The following MTUS2 variants were observed in gnomAD, a reference collection of about 807,000 sequenced individuals.
The protein encoded by MTUS2 is microtubule-associated tumor suppressor candidate 2.
A neutral mutation model predicts 114.1 loss-of-function variants in MTUS2; 40 were observed. The ratio of observed to expected loss-of-function variants is 0.35; its 90% CI spans 0.27 to 0.46. The LOEUF is 0.46. Among genes scored for constraint, MTUS2 ranks in the 20% least tolerant of loss-of-function variants. MTUS2 has a pLI of 1.00. For missense variants in MTUS2, 1,679 were observed against 1,705.4 expected (o/e 0.98, Z 0.27); for synonymous variants, 688 against 672.0 (o/e 1.02, Z -0.37).
chr13:29,014,360 A>C (rs1418393726), intron 2 of MTUS2, among the ~76,000 whole-genome samples: 1 of 152,236 alleles, frequency 6.6e-6, no homozygotes, highest in Non-Finnish European at 1.5e-5. Context: ...TCTTAGCAAG[A>C]CATGACCCAG....
intron 2 of MTUS2, among the ~76,000 whole-genome samples, chr13:28,879,267 G>T (rs976645200): frequency 6.6e-6 from 1 of 152,090 alleles, no homozygotes; most frequent in Non-Finnish European, 1.5e-5. Flanking sequence ...TCTGTAGGTT[G>T]TCTGTTCACT....
chr13:28,892,902 G>T (rs1174730260), intron 2 of MTUS2, among the ~76,000 whole-genome samples: 1 of 152,174 alleles, frequency 6.6e-6, no homozygotes, highest in Non-Finnish European at 1.5e-5. Flanking sequence ...TTCCAATGCA[G>T]AGAAGACCAA....
chr13:28,832,543 AAAAG>A (rs1198601084), intron 1 of MTUS2, among the ~76,000 whole-genome samples: 26 of 151,576 alleles, frequency 1.7e-4, no homozygotes, highest in Admixed American at 6.6e-5. Flanking sequence ...CTGTATGAAC[AAAAG>A]AAAGATCTCA....
At chr13:28,906,508 A>T (rs1355334668) in intron 2 of MTUS2, among the ~76,000 whole-genome samples, 1 of 151,402 alleles carries the variant, frequency 6.6e-6, no homozygotes, top group African/African-American at 2.4e-5. Flanking sequence ...TCATTTCGTT[A>T]TGTACCCAGT....
intron 2 of MTUS2, among the ~76,000 whole-genome samples, chr13:28,861,359 C>T (rs1025526247): frequency 6.6e-6 from 1 of 151,788 alleles, no homozygotes; most frequent in Non-Finnish European, 1.5e-5. Flanking sequence ...CTGTGGGGCC[C>T]GACAGGCCTG....
intron 5 of MTUS2, among the ~76,000 whole-genome samples, chr13:29,279,479 ATGT>A (rs1328693855): frequency 6.6e-6 from 1 of 152,192 alleles, no homozygotes; most frequent in Non-Finnish European, 1.5e-5. Flanking sequence ...CAATGGTTTA[ATGT>A]TGTCAGCATT....
At chr13:28,975,477 C>T (rs7325369) in intron 2 of MTUS2, among the ~76,000 whole-genome samples, 683 of 5,722 alleles carry the variant, frequency 0.12, 4 homozygotes, top group African/African-American at 0.19. Context: ...GCGGCAGCAT[C>T]GCCCTCCCCT....
intron 2 of MTUS2, among the ~76,000 whole-genome samples, chr13:28,859,862 TC>T (rs1416684740): frequency 6.6e-6 from 1 of 152,128 alleles, no homozygotes; most frequent in African/African-American, 2.4e-5. Flanking sequence ...TGTAGCATCT[TC>T]CCCTGAGGCC....
At chr13:29,268,675 A>G (rs1175858333) in intron 5 of MTUS2, among the ~76,000 whole-genome samples, 6 of 151,686 alleles carry the variant, frequency 4.0e-5, no homozygotes, top group Non-Finnish European at 8.8e-5. Flanking sequence ...GTTTTTTTTC[A>G]TGGCATTTTG....
At position 28,919,505 on chromosome 13, in the gene MTUS2, T is replaced by A. The variant is rs578044967; in HGVS notation, c.-243+79655T>A. Among the ~76,000 whole-genome samples, 323 of 152,234 alleles carry A rather than the reference T, an allele frequency of 2.1e-3. 1 individual carries two copies. The highest frequency in any genetic ancestry group is 7.3e-3 in the African/African-American group (302 of 41,554). On this transcript the variant is annotated intron_variant, in intron 2 of 15. Transcript: ENST00000612955. ...GCTGCTTTTAGGATTTTTTTCTTTA[T>A]TTTTTACCTTTGGGAATTTGATTAT...
chr13:28,981,115 A>G (rs1245551002), intron 2 of MTUS2, among the ~76,000 whole-genome samples: 3 of 152,242 alleles, frequency 2.0e-5, no homozygotes, highest in African/African-American at 4.8e-5. Context: ...TGATTGCACA[A>G]CAGTATGAAT....
intron 5 of MTUS2, among the ~76,000 whole-genome samples, chr13:29,140,242 T>C (rs1892162038): frequency 6.6e-6 from 1 of 152,172 alleles, no homozygotes; most frequent in Non-Finnish European, 1.5e-5. Context: ...CGTTTAAATT[T>C]AGAGTCTTCA....
chr13:29,102,044 C>T (rs577939237), intron 5 of MTUS2, among the ~76,000 whole-genome samples: 31 of 152,166 alleles, frequency 2.0e-4, no homozygotes, highest in Admixed American at 1.7e-3. Flanking sequence ...CTGAAGGTGC[C>T]GTAGCTGAGG....
Position 28,860,129 on chromosome 13 carries a change from A to G in MTUS2, c.-243+20279A>G, listed in dbSNP as rs566289805. 3.3e-5 allele frequency among the ~76,000 whole-genome samples: 5 copies of G among 152,328 alleles called. No individual in the cohort carries two copies. The East Asian group carries it at 9.6e-4, about 29-fold the overall frequency. ...TCTGCCATCTGCAGGGAGAGCTTCC[A>G]TTTGGAGATAAAATCAAAATACAAT... is the stretch of plus-strand genomic sequence containing the variant. On this transcript the variant is annotated intron_variant, in intron 2 of 15. Coordinates refer to ENST00000612955, the MANE Select transcript of MTUS2 (RefSeq NM_001033602.4).
At chr13:29,376,654 G>A (rs1041457054) in intron 8 of MTUS2, among the ~76,000 whole-genome samples, 1 of 152,078 alleles carries the variant, frequency 6.6e-6, no homozygotes, top group Admixed American at 6.6e-5. Flanking sequence ...AAGTTTTATT[G>A]CAACACAGCC....
chr13:28,941,542 A>G (rs1206765685), intron 2 of MTUS2, among the ~76,000 whole-genome samples: 1 of 151,810 alleles, frequency 6.6e-6, no homozygotes, highest in Admixed American at 6.5e-5. Flanking sequence ...ATATTTTTAA[A>G]TATTTTTGAA....
intron 5 of MTUS2, among the ~76,000 whole-genome samples, chr13:29,221,969 A>G (rs1017589359): frequency 3.9e-5 from 6 of 152,136 alleles, no homozygotes; most frequent in Non-Finnish European, 8.8e-5. Context: ...ATAGAGTCTC[A>G]CTATATTGCC....
In MTUS2 at chr13:29,025,128, C is replaced by T. The variant is rs574148122; in HGVS notation, c.430C>T (p.Leu144=). ...GAGGAATGTGATGAGTGAGGCCAGT[C>T]TAGACGTTTTGGCTAAAAGGGATGC... is the stretch of plus-strand genomic sequence containing the variant. ...SWRNVMSEAS[L]DVLAKRDAEI... is the part of the protein sequence containing the mutation. The change falls in exon 3 of 16, where the codon CTA becomes TTA. Residue 144 remains leucine, a synonymous_variant. Coordinates refer to ENST00000612955, the MANE Select transcript of MTUS2 (RefSeq NM_001033602.4). 1 of 1,613,810 alleles carries T rather than the reference C, an allele frequency of 6.2e-7. No homozygotes were observed. The highest frequency in any genetic ancestry group is 1.3e-5 in the African/African-American group (1 of 74,892).
chr13:29,271,596 T>C (rs926977250), intron 5 of MTUS2, among the ~76,000 whole-genome samples: 4 of 152,208 alleles, frequency 2.6e-5, no homozygotes, highest in African/African-American at 9.7e-5. Context: ...TTCTTCCTGT[T>C]TATTGGAGTT....
Sources: allele counts gnomAD v4.1 joint callset (sites outside exome capture counted in the v4.1 genomes callset), GRCh38; gene constraint gnomAD v4.1.1; transcripts MANE v1.5; gene names NCBI Gene and HGNC (gene_info 2026-07-23, HGNC 2026-07-21).